Variants in CFAP91 observed in about 807,000 individuals in gnomAD.
CFAP91 encodes the protein cilia and flagella associated protein 91.
Under a neutral mutation model 95.9 loss-of-function variants are expected in CFAP91, and 85 were observed. That is an observed-to-expected ratio of 0.89 (90% confidence interval 0.74 to 1.06). The LOEUF is 1.06. Among genes scored for constraint, CFAP91 ranks in the 50% least tolerant of loss-of-function variants. The pLI, the probability that CFAP91 is intolerant of heterozygous loss-of-function variation, is 0.00. For synonymous variants in CFAP91, 335 were observed against 327.5 expected, an observed-to-expected ratio of 1.02 and a Z score of -0.25; for missense variants, 962 against 943.4, an observed-to-expected ratio of 1.02 and a Z score of -0.26.
intron 10 of CFAP91, among the ~76,000 whole-genome samples, chr3:119,735,984 A>G (rs2053994334): frequency 6.7e-6 from 1 of 150,088 alleles, no homozygotes; most frequent in Admixed American, 6.6e-5. Context: ...TTTTTTTATA[A>G]TTTCTTGCAG....
chr3:119,706,291 A>C (rs1577193369), intron 1 of CFAP91: 1 of 152,702 alleles, frequency 6.5e-6, no homozygotes, highest in African/African-American at 2.4e-5. Flanking sequence ...TACAAACTTA[A>C]GGGGTGAATT....
intron 17 of CFAP91, among the ~76,000 whole-genome samples, chr3:119,764,372 T>G (rs1229272006): frequency 6.6e-6 from 1 of 152,082 alleles, no homozygotes; most frequent in Non-Finnish European, 1.5e-5. Context: ...TAACATACTG[T>G]TATATAAAAT....
At chr3:119,745,515 C>T (rs552278205) in intron 14 of CFAP91, among the ~76,000 whole-genome samples, 2 of 152,186 alleles carry the variant, frequency 1.3e-5, no homozygotes, top group South Asian at 2.1e-4. Flanking sequence ...CACGCACAAA[C>T]GTCTCCAGAA....
chr3:119,727,437 A>C (rs1349550285), intron 7 of CFAP91, among the ~76,000 whole-genome samples: 1 of 152,234 alleles, frequency 6.6e-6, no homozygotes, highest in Non-Finnish European at 1.5e-5. Flanking sequence ...AAACTGTTAA[A>C]AATGTATCTG....
At chr3:119,750,654 G>T in intron 16 of CFAP91, 1 of 439,776 alleles carries the variant, frequency 2.3e-6, no homozygotes, top group Non-Finnish European at 4.2e-6. Flanking sequence ...GTAGTCAGAG[G>T]AGACTTCCTG....
intron 5 of CFAP91, among the ~76,000 whole-genome samples, chr3:119,713,848 G>A (rs2107861235): frequency 6.6e-6 from 1 of 151,952 alleles, no homozygotes; most frequent in East Asian, 1.9e-4. Context: ...ATGAATCATG[G>A]ATATTTTTGA....
At chr3:119,705,988 C>G (rs1272423456) in intron 1 of CFAP91, 2 of 152,204 alleles carry the variant, frequency 1.3e-5, no homozygotes, top group African/African-American at 4.8e-5. Flanking sequence ...GTTTCTAAAT[C>G]ACAATTCCCA....
chr3:119,734,350 T>C (rs541849557), intron 10 of CFAP91, among the ~76,000 whole-genome samples: 1 of 152,206 alleles, frequency 6.6e-6, no homozygotes, highest in African/African-American at 2.4e-5. Context: ...TCGAGGTGGT[T>C]CTTTCCCACC....
intron 4 of CFAP91, 104 bp downstream of exon 4, chr3:119,708,778 ACT>A (rs529394021): frequency 2.2e-4 from 152 of 683,860 alleles, no homozygotes; most frequent in African/African-American, 1.2e-3. Context: ...AACGTGCCAG[ACT>A]CTATTTTAAG....
chr3:119,756,624 GGATTAAATTTT>G (rs1256008255), intron 17 of CFAP91, among the ~76,000 whole-genome samples: 1 of 152,082 alleles, frequency 6.6e-6, no homozygotes, highest in Non-Finnish European at 1.5e-5. Context: ...AGGGCTAAAT[GGATTAAATTTT>G]TCTAAGGCAC....
chr3:119,761,685 A>C (rs1028352528), intron 17 of CFAP91, among the ~76,000 whole-genome samples: 1 of 151,998 alleles, frequency 6.6e-6, no homozygotes, highest in Non-Finnish European at 1.5e-5. Context: ...GGCTCAACAT[A>C]CACAAATCTA....
chr3:119,715,463 G>A, intron 5 of CFAP91, 99 bp from the exon 6 acceptor site: 1 of 983,214 alleles, frequency 1.0e-6, no homozygotes, highest in Non-Finnish European at 1.6e-6. Flanking sequence ...AAAGAGGAAT[G>A]GACTTGACAA....
At chr3:119,728,246 C>T (rs2053824732) in intron 7 of CFAP91, among the ~76,000 whole-genome samples, 1 of 152,092 alleles carries the variant, frequency 6.6e-6, no homozygotes, top group African/African-American at 2.4e-5. Context: ...ATGTTCTAAG[C>T]ATGTAGACCT....
intron 16 of CFAP91, 112 bp downstream of exon 16, chr3:119,748,014 C>A: frequency 2.5e-6 from 2 of 790,778 alleles, no homozygotes; most frequent in Non-Finnish European, 4.0e-6. Flanking sequence ...AAAGGAGGAT[C>A]ACTGAGTTTT....
At chr3:119,736,530 C>T (rs1006783552) in intron 10 of CFAP91, among the ~76,000 whole-genome samples, 3 of 152,122 alleles carry the variant, frequency 2.0e-5, no homozygotes, top group African/African-American at 7.2e-5. Flanking sequence ...CCCTCCTCGG[C>T]CTCCCAAAGT....
At chr3:119,712,720 C>T (rs945545339) in intron 5 of CFAP91, among the ~76,000 whole-genome samples, 3 of 151,988 alleles carry the variant, frequency 2.0e-5, no homozygotes, top group Admixed American at 2.0e-4. Flanking sequence ...TTTGGAAGGC[C>T]GAGGCAGGAG....
chr3:119,721,923 C>A (rs1458050590), intron 6 of CFAP91, among the ~76,000 whole-genome samples: 1 of 152,014 alleles, frequency 6.6e-6, no homozygotes, highest in Non-Finnish European at 1.5e-5. Flanking sequence ...CACCTGTAAT[C>A]CCAGCACTTT....
chr3:119,721,786 C>G (rs1398147181), intron 6 of CFAP91, among the ~76,000 whole-genome samples: 1 of 152,182 alleles, frequency 6.6e-6, no homozygotes, highest in African/African-American at 2.4e-5. Flanking sequence ...CACACGTGCT[C>G]TCTTAGAAAA....
chr3:119,715,413 G>A (rs1164152978), intron 5 of CFAP91, 149 bp from the exon 6 acceptor site: 2 of 760,506 alleles, frequency 2.6e-6, no homozygotes, highest in South Asian at 1.5e-5. Context: ...GCATAATCCT[G>A]GTTATAATGG....
Sources: gnomAD v4.1 joint callset for allele counts (sites outside exome capture counted in the v4.1 genomes callset) on GRCh38, gnomAD v4.1.1 for gene constraint, MANE v1.5 for transcripts, NCBI Gene and HGNC (gene_info 2026-07-23, HGNC 2026-07-21) for gene names.